Variants in C5orf63 observed in about 807,000 individuals in gnomAD.
C5orf63 encodes the protein chromosome 5 open reading frame 63, also known as glutaredoxin-like protein C5orf63.
C5orf63 carries 18 observed loss-of-function variants against 13.3 expected under a neutral mutation model. That is an observed-to-expected ratio of 1.36 (90% CI 0.94 to 2.01). C5orf63 has a LOEUF of 2.01. Among genes scored for constraint, C5orf63 ranks in the 30% most tolerant of loss-of-function variants. C5orf63 has a pLI of 0.00. For synonymous variants in C5orf63, 38 were observed against 44.7 expected (o/e 0.85, Z 0.60); for missense variants, 118 against 127.7 (o/e 0.92, Z 0.36).
intron 1 of C5orf63, among the ~76,000 whole-genome samples, chr5:127,072,550 GAA>G (rs1754587869): frequency 6.6e-6 from 1 of 152,182 alleles, no homozygotes; most frequent in Non-Finnish European, 1.5e-5. Flanking sequence ...AAATGCGCTA[GAA>G]AGTATTGGGA....
Position 127,054,013 on chromosome 5 carries a change from T to C in C5orf63, c.115-1344A>G, listed in dbSNP as rs573337124. ...ATGGGTAGTTTGTAATGTTTTAAGA[T>C]AATCATCCTAAAATTTTCAGAGAAG... On this transcript the variant is annotated intron_variant, in intron 3 of 4. Transcript: ENST00000296662. 7.2e-5 allele frequency among the ~76,000 whole-genome samples: 11 copies of C among 152,278 alleles called. No individual in the cohort carries two copies. In the East Asian group the frequency reaches 1.9e-3, roughly 27 times the overall value.
chr5:127,053,892 A>G (rs1263580747), intron 3 of C5orf63, among the ~76,000 whole-genome samples: 1 of 152,160 alleles, frequency 6.6e-6, no homozygotes, highest in Non-Finnish European at 1.5e-5. Flanking sequence ...CGCAATAAAC[A>G]TACCTGTGCA....
intron 3 of C5orf63, among the ~76,000 whole-genome samples, chr5:127,054,283 T>C (rs972187331): frequency 2.0e-5 from 3 of 152,246 alleles, no homozygotes; most frequent in Non-Finnish European, 2.9e-5. Flanking sequence ...ATGGTATTTC[T>C]AGTTCTAGAT....
intron 4 of C5orf63, chr5:127,052,360 G>GA (rs1309086354): frequency 5.4e-6 from 2 of 370,666 alleles, no homozygotes; most frequent in Non-Finnish European, 9.6e-6. Context: ...AAGAAAACAT[G>GA]AATGCTGCAC....
chr5:127,052,893 T>A (rs532979878), intron 3 of C5orf63, among the ~76,000 whole-genome samples: 29 of 152,340 alleles, frequency 1.9e-4, no homozygotes, highest in African/African-American at 6.7e-4. Context: ...GTTGTTTTGT[T>A]CTGATTTTTC....
chr5:127,066,327 A>G (rs569552312), intron 2 of C5orf63, among the ~76,000 whole-genome samples: 4 of 152,126 alleles, frequency 2.6e-5, no homozygotes, highest in Non-Finnish European at 5.9e-5. Flanking sequence ...TTTTAAAAGG[A>G]AACTTCAGCT....
Position 127,051,309 on chromosome 5 carries a change from C to A in C5orf63, c.*462G>T, listed in dbSNP as rs1753663801. 4 of 1,229,572 alleles carry A rather than the reference C, an allele frequency of 3.3e-6. No individual in the cohort carries two copies. The highest frequency in any genetic ancestry group is 4.2e-5 in the South Asian group (1 of 23,838). The allele number at this position is 1,229,572 out of a possible 1,614,324, so 76.2% of individuals were successfully genotyped here. Reference sequence around the variant, plus strand: ...GAATAGGCTTCATGCAGATGTATTCCTTAAAACATCGCTTTATTGACCGTG... The same window carrying A: ...GAATAGGCTTCATGCAGATGTATTCATTAAAACATCGCTTTATTGACCGTG... On this transcript the variant is annotated 3_prime_UTR_variant, in exon 5 of 5. Coordinates refer to ENST00000296662, the MANE Select transcript of C5orf63 (RefSeq NM_001164478.2).
At chr5:127,062,632 A>C (rs1166869810) in intron 2 of C5orf63, among the ~76,000 whole-genome samples, 1 of 152,204 alleles carries the variant, frequency 6.6e-6, no homozygotes, top group African/African-American at 2.4e-5. Flanking sequence ...TTCTTAGAAC[A>C]TTTTACTAAC....
chr5:127,058,952 G>A lies in C5orf63; in HGVS notation c.44C>T (p.Ser15Phe), dbSNP rs1753992227. Residue 15 changes from serine to phenylalanine, a missense_variant, in exon 3 of 5, where the codon TCC becomes TTC. Transcript: ENST00000296662. ...QGNSMQLARS[S>F]FGLFLRNCSA... Reference sequence around the variant, plus strand: ...GCAATTTCTCAAGAAGAGTCCAAAGGAGGATCTGGCAAGTTGCATGCTATT... The same window carrying A: ...GCAATTTCTCAAGAAGAGTCCAAAGAAGGATCTGGCAAGTTGCATGCTATT... 6.5e-7 allele frequency: 1 copy of A among 1,537,142 alleles called. No individual in the cohort carries two copies. The highest frequency in any genetic ancestry group is 1.4e-5 in the African/African-American group (1 of 73,046).
intron 2 of C5orf63, among the ~76,000 whole-genome samples, chr5:127,060,031 G>A (rs553301805): frequency 3.9e-5 from 6 of 152,002 alleles, no homozygotes; most frequent in South Asian, 2.1e-4. Context: ...CCAGCTACTC[G>A]GGAGGCTGAG....
At chr5:127,047,972 GT>G, downstream of C5orf63, 1 of 631,374 alleles carries the variant, frequency 1.6e-6, no homozygotes, top group Non-Finnish European at 2.8e-6. Context: ...CAGTGGTGGA[GT>G]TGTATACTGG....
downstream of C5orf63, chr5:127,047,054 C>T (rs1472918567): frequency 6.6e-6 from 1 of 152,248 alleles, no homozygotes; most frequent in East Asian, 1.9e-4. Context: ...TGAGTATACC[C>T]TTGTTTCGTG....
chr5:127,064,485 C>T (rs1561491970), intron 2 of C5orf63, among the ~76,000 whole-genome samples: 1 of 152,186 alleles, frequency 6.6e-6, no homozygotes, highest in Non-Finnish European at 1.5e-5. Context: ...TGGTGTCACG[C>T]TCAGCTTCAT....
chr5:127,044,479 C>T (rs1463018423), downstream of C5orf63: 5 of 151,966 alleles, frequency 3.3e-5, no homozygotes, highest in Admixed American at 6.6e-5. Flanking sequence ...AGCTGAAGAC[C>T]GATCGAATGA....
chr5:127,047,691 A>G (rs1193091141), downstream of C5orf63: 1 of 703,724 alleles, frequency 1.4e-6, no homozygotes, highest in East Asian at 2.7e-5. Context: ...GATAAAAACA[A>G]CAGGTCATAT....
chr5:127,054,219 G>A (rs906161097), intron 3 of C5orf63, among the ~76,000 whole-genome samples: 11 of 152,012 alleles, frequency 7.2e-5, no homozygotes, highest in Non-Finnish European at 2.9e-5. Flanking sequence ...AATTATACCT[G>A]AAAATATGTG....
intron 2 of C5orf63, 135 bp downstream of exon 2, chr5:127,071,449 G>A (rs1754537085): frequency 6.6e-6 from 1 of 152,192 alleles, no homozygotes; most frequent in Non-Finnish European, 1.5e-5. Flanking sequence ...GTGGAATCAT[G>A]TCTAAGATAA....
intron 3 of C5orf63, among the ~76,000 whole-genome samples, chr5:127,053,974 G>A (rs1317539423): frequency 6.6e-6 from 1 of 152,070 alleles, no homozygotes; most frequent in Non-Finnish European, 1.5e-5. Flanking sequence ...ATTAGCATTA[G>A]CAATACATAG....
At chr5:127,070,475 C>T (rs937057332) in intron 2 of C5orf63, among the ~76,000 whole-genome samples, 26 of 152,318 alleles carry the variant, frequency 1.7e-4, no homozygotes, top group African/African-American at 6.3e-4. Context: ...CAGAAGGCAG[C>T]AGCATATACC....
Sources: gnomAD v4.1 joint callset for allele counts (sites outside exome capture counted in the v4.1 genomes callset) on GRCh38, gnomAD v4.1.1 for gene constraint, MANE v1.5 for transcripts, NCBI Gene and HGNC (gene_info 2026-07-23, HGNC 2026-07-21) for gene names.